The following INPP5F variants were observed in gnomAD, a reference collection of about 807,000 sequenced individuals.
INPP5F encodes the protein phosphatidylinositide 4-phosphatase SAC2.
INPP5F carries 97 observed loss-of-function variants against 137.2 expected under a neutral mutation model. The observed-to-expected ratio is 0.71, with a 90% CI of 0.60 to 0.84. INPP5F has a LOEUF of 0.84. Ranked by LOEUF, INPP5F falls within the 40% of genes least tolerant of loss-of-function variation. The probability of loss-of-function intolerance (pLI) is 0.00; values close to 1 mark genes in which losing one functional copy is unlikely to be tolerated. For synonymous variants in INPP5F, 504 were observed against 476.9 expected (o/e 1.06, Z -0.74); for missense variants, 1,271 against 1,371.9 (o/e 0.93, Z 1.16).
chr10:119,727,210 C>A (rs951675446), intron 1 of INPP5F, among the ~76,000 whole-genome samples: 4 of 152,214 alleles, frequency 2.6e-5, no homozygotes, highest in Non-Finnish European at 5.9e-5. Flanking sequence ...CTCAGAGATT[C>A]TTCCACTTTA....
chr10:119,819,272 TAAA>T, intron 15 of INPP5F: 1 of 371,750 alleles, frequency 2.7e-6, no homozygotes, highest in African/African-American at 3.5e-5. Context: ...GGGAGGGAAT[TAAA>T]TATTTACTGC....
At chr10:119,796,031 C>T (rs1428428793) in intron 6 of INPP5F, among the ~76,000 whole-genome samples, 11 of 144,306 alleles carry the variant, frequency 7.6e-5, no homozygotes, top group Non-Finnish European at 1.6e-4. Flanking sequence ...GGCAGCAGTA[C>T]CGTCCAGCTT....
chr10:119,785,206 C>G (rs113801850), intron 3 of INPP5F, among the ~76,000 whole-genome samples: 2,051 of 149,672 alleles, frequency 0.014, 64 homozygotes, highest in African/African-American at 0.048. Context: ...TTGTTTTAAT[C>G]TCTCTTGGGT....
Position 119,817,671 on chromosome 10 carries a change from C to T in INPP5F, c.1887-3175C>T, listed in dbSNP as rs146547534. On this transcript the variant is annotated intron_variant, in intron 15 of 19. Transcript: ENST00000650623. ...AAAAACATGTATTCAAACGCTTTGC[C>T]AAGTTTTTAATTGGGTTGTTGATTT... Among the ~76,000 whole-genome samples the T allele has an allele frequency of 1.4e-3, 217 of 152,118 alleles. 2 individuals are homozygous for T. Among genetic ancestry groups the T allele is most frequent in the African/African-American group, 5.1e-3 (210 of 41,492 alleles).
intron 9 of INPP5F, among the ~76,000 whole-genome samples, 176 bp downstream of exon 9, chr10:119,798,786 CTT>C (rs374141329): frequency 8.9e-5 from 9 of 100,700 alleles, no homozygotes; most frequent in Non-Finnish European, 1.2e-4. Context: ...GAGTCAGCTA[CTT>C]TTTTTTTTTT....
chr10:119,823,118 C>G lies in INPP5F; in HGVS notation c.2080C>G (p.Leu694Val). 1.2e-6 allele frequency: 2 copies of G among 1,614,092 alleles called. No homozygotes were observed. Among genetic ancestry groups the G allele is most frequent in the Non-Finnish European group, 1.7e-6 (2 of 1,179,946 alleles). The change falls in exon 18 of 20, where the codon CTG becomes GTG. Residue 694 changes from leucine to valine, a missense_variant. Around this residue, in one of 6 missense-constraint regions of INPP5F, gnomAD observed 593 missense variants for 712.4 expected, o/e 0.83. Transcript: ENST00000650623. Reference protein sequence around the residue: ...FGKPKFSCMRLHYRYKEASGY... With the variant: ...FGKPKFSCMRVHYRYKEASGY... Reference sequence around the variant, plus strand: ...TAAGCCAAAGTTCTCCTGCATGCGACTGCACTACAGATACAAAGAAGCGAG... The same window carrying G: ...TAAGCCAAAGTTCTCCTGCATGCGAGTGCACTACAGATACAAAGAAGCGAG...
At chr10:119,771,859 TATATATATATATATATATATA>T (rs1849350245) in intron 2 of INPP5F, among the ~76,000 whole-genome samples, 3 of 10,568 alleles carry the variant, frequency 2.8e-4, no homozygotes, top group African/African-American at 6.2e-4. Flanking sequence ...TATATATATA[TATATATATATATATATATATA>T]TATTTTTTTT....
chr10:119,726,608 G>C (rs1176006082), intron 1 of INPP5F, among the ~76,000 whole-genome samples: 1 of 152,240 alleles, frequency 6.6e-6, no homozygotes, highest in Non-Finnish European at 1.5e-5. Context: ...TTCCCACCGC[G>C]TCACGCGGCC....
In INPP5F at chr10:119,775,820, G is replaced by A. The variant is rs114919847; in HGVS notation, c.179-5815G>A. On this transcript the variant is annotated intron_variant, in intron 2 of 19. Transcript: ENST00000650623. ...AGGGAAGTTTAAAAAAAATCCTATC[G>A]GCCAGTTGCAAGCCTGGGGCACATT... Among the ~76,000 whole-genome samples, 618 of 152,140 alleles carry A rather than the reference G, an allele frequency of 4.1e-3. 10 individuals are homozygous for A. Among genetic ancestry groups the A allele is most frequent in the African/African-American group, 0.014 (586 of 41,482 alleles).
At chr10:119,769,458 T>G (rs1478233230) in intron 2 of INPP5F, among the ~76,000 whole-genome samples, 2 of 152,046 alleles carry the variant, frequency 1.3e-5, no homozygotes, top group Non-Finnish European at 1.5e-5. Context: ...TTGTGTTAAC[T>G]TGACTGGGAA....
intron 1 of INPP5F, among the ~76,000 whole-genome samples, chr10:119,747,152 A>G (rs1199578367): frequency 1.3e-5 from 2 of 152,208 alleles, no homozygotes; most frequent in African/African-American, 2.4e-5. Flanking sequence ...AATAAACATC[A>G]TGTTAGGCAA....
At chr10:119,808,596 C>T (rs750640721) in intron 13 of INPP5F, among the ~76,000 whole-genome samples, 7 of 152,108 alleles carry the variant, frequency 4.6e-5, no homozygotes, top group Admixed American at 2.0e-4. Context: ...CTCTGACACA[C>T]GTAAATGCGG....
At chr10:119,808,106 G>C in intron 13 of INPP5F, 46 bp downstream of exon 13, 4 of 1,578,698 alleles carry the variant, frequency 2.5e-6, no homozygotes, top group Non-Finnish European at 3.4e-6. Context: ...GTAGGACACA[G>C]CTTAGACTAT....
At chr10:119,805,522 A>T in intron 11 of INPP5F, 61 bp downstream of exon 11, 1 of 1,102,948 alleles carries the variant, frequency 9.1e-7, no homozygotes, top group Non-Finnish European at 1.4e-6. Context: ...AGTACCACTG[A>T]GCATTAAACT....
At chr10:119,809,007 T>G (rs1276551339) in intron 13 of INPP5F, among the ~76,000 whole-genome samples, 1 of 152,156 alleles carries the variant, frequency 6.6e-6, no homozygotes, top group Non-Finnish European at 1.5e-5. Context: ...GTGGATCACC[T>G]GAGGTCAGGC....
Position 119,827,186 on chromosome 10 carries a change from T to A in INPP5F, c.2805T>A (p.Ser935=). The change falls in exon 20 of 20, where the codon TCT becomes TCA. Residue 935 remains serine, a synonymous_variant. Transcript: ENST00000650623. ...HGSGLGKGQE[S]PLKKSPSAGD... ...GTGGGCTTGGAAAAGGCCAGGAGTC[T>A]CCTTTGAAGAAAAGTCCTTCTGCTG... is the stretch of plus-strand genomic sequence containing the variant. The A allele has an allele frequency of 6.2e-7, 1 of 1,614,110 alleles. No individual in the cohort carries two copies. Among genetic ancestry groups the A allele is most frequent in the Non-Finnish European group, 8.5e-7 (1 of 1,180,018 alleles).
chr10:119,761,596 T>A (rs560246637), intron 2 of INPP5F, among the ~76,000 whole-genome samples: 26 of 151,944 alleles, frequency 1.7e-4, no homozygotes, highest in African/African-American at 6.0e-4. Flanking sequence ...TTTTTTTTTT[T>A]AAGACATGGC....
At chr10:119,786,905 T>C (rs1323815198) in intron 3 of INPP5F, among the ~76,000 whole-genome samples, 1 of 152,142 alleles carries the variant, frequency 6.6e-6, no homozygotes, top group Non-Finnish European at 1.5e-5. Flanking sequence ...GAGTTTGAAC[T>C]TTGTTATACA....
At chr10:119,729,492 C>G (rs1397236256) in intron 1 of INPP5F, among the ~76,000 whole-genome samples, 1 of 151,910 alleles carries the variant, frequency 6.6e-6, no homozygotes, top group African/African-American at 2.4e-5. Flanking sequence ...AGTGGAAAAT[C>G]TCTGTCCATT....
Sources: gnomAD v4.1 joint callset for allele counts (sites outside exome capture counted in the v4.1 genomes callset) on GRCh38, gnomAD v4.1.1 for gene constraint, gnomAD v4.1.1 regional missense constraint, MANE v1.5 for transcripts, NCBI Gene and HGNC (gene_info 2026-07-23, HGNC 2026-07-21) for gene names.